The following BRAF variants were observed in gnomAD, a reference collection of about 807,000 sequenced individuals.
BRAF encodes serine/threonine-protein kinase B-raf.
BRAF carries 16 observed loss-of-function variants against 104.6 expected under a neutral mutation model. That is an observed-to-expected ratio of 0.15 (90% CI 0.10 to 0.23). The LOEUF is 0.23. BRAF is among the 10% of genes least tolerant of loss of function. The pLI is 1.00. For synonymous variants in BRAF, 310 were observed against 341.6 expected (o/e 0.91, Z 1.02); for missense variants, 541 against 937.3 (o/e 0.58, Z 5.52).
At chr7:140,840,775 T>C (rs1394222461) in intron 2 of BRAF, among the ~76,000 whole-genome samples, 1 of 150,712 alleles carries the variant, frequency 6.6e-6, no homozygotes, top group East Asian at 2.0e-4. Flanking sequence ...TGGGTGACTC[T>C]GCCATCTTGG....
chr7:140,804,252 C>G (rs192895148), intron 5 of BRAF, among the ~76,000 whole-genome samples: 2 of 150,632 alleles, frequency 1.3e-5, no homozygotes, highest in Non-Finnish European at 3.0e-5. Context: ...TCACCCAGGC[C>G]GGAGTGCAGT....
At chr7:140,870,605 A>G (rs980587976) in intron 1 of BRAF, among the ~76,000 whole-genome samples, 1 of 150,652 alleles carries the variant, frequency 6.6e-6, no homozygotes, top group African/African-American at 2.5e-5. Flanking sequence ...CTCTAGTGAT[A>G]TCACCCTTCT....
chr7:140,818,716 G>GAAAT (rs1805152321), intron 3 of BRAF, among the ~76,000 whole-genome samples: 2 of 152,110 alleles, frequency 1.3e-5, no homozygotes, highest in Admixed American at 6.6e-5. Context: ...ACCTAAAACA[G>GAAAT]GCAATTATCT....
At chr7:140,754,375 G>T in intron 14 of BRAF, 142 bp from the exon 14 acceptor site, 1 of 733,344 alleles carries the variant, frequency 1.4e-6, no homozygotes. Context: ...ACCCTTCACA[G>T]AATATTAAAA....
At chr7:140,806,885 A>G (rs1803708432) in intron 5 of BRAF, among the ~76,000 whole-genome samples, 1 of 152,196 alleles carries the variant, frequency 6.6e-6, no homozygotes, top group African/African-American at 2.4e-5. Context: ...AATCTAATCA[A>G]TCATCTGCTT....
intron 1 of BRAF, among the ~76,000 whole-genome samples, chr7:140,903,217 C>A (rs191728426): frequency 6.6e-6 from 1 of 152,028 alleles, no homozygotes; most frequent in Admixed American, 6.6e-5. Context: ...TGAGCCACCA[C>A]GCCTGGCCTA....
intron 10 of BRAF, among the ~76,000 whole-genome samples, chr7:140,783,764 A>G (rs1348446160): frequency 1.3e-5 from 2 of 152,208 alleles, no homozygotes; most frequent in Non-Finnish European, 2.9e-5. Flanking sequence ...TTAAACAAAG[A>G]TTATTTGTTA....
At position 140,898,857 on chromosome 7, in the gene BRAF, G is replaced by A. The variant is rs1318887124; in HGVS notation, c.138+25709C>T. 2.6e-5 allele frequency among the ~76,000 whole-genome samples: 4 copies of A among 151,910 alleles called. No homozygotes were observed. In the East Asian group the frequency reaches 5.8e-4, roughly 22 times the overall value. ...CTGCATTTGTTTTTAAACTGTTTACGAATAGAATCATGTTGCACTTAATCT... is the reference window on the plus strand; with the variant it reads ...CTGCATTTGTTTTTAAACTGTTTACAAATAGAATCATGTTGCACTTAATCT... On this transcript the variant is annotated intron_variant, in intron 1 of 19. Transcript: ENST00000644969.
rs202070929 is a variant in BRAF, at chr7:140,783,405, T to C, written c.1298-248A>G. ...TGATAGACATAGACACATACTTTAT[T>C]TACTGGTGCAAAATCTAGGAGAAAA... is the stretch of plus-strand genomic sequence containing the variant. On this transcript the variant is annotated intron_variant, in intron 10 of 19. Coordinates refer to ENST00000644969, the MANE Select transcript of BRAF (RefSeq NM_001374258.1). 20 of 379,354 alleles carry C rather than the reference T, an allele frequency of 5.3e-5. No homozygotes were observed. The East Asian group carries it at 7.6e-4, about 14-fold the overall frequency. The allele number at this position is 379,354 out of a possible 1,614,324, so 23.5% of individuals were successfully genotyped here. A position where few individuals can be genotyped will look rare whatever the true frequency, so the allele number is the denominator to read the frequency against.
At chr7:140,902,366 T>G (rs573585201) in intron 1 of BRAF, among the ~76,000 whole-genome samples, 1 of 152,382 alleles carries the variant, frequency 6.6e-6, no homozygotes, top group East Asian at 1.9e-4. Context: ...ACTGACCAGC[T>G]ACTGCCCTAA....
At chr7:140,736,513 C>T (rs563654908) in intron 18 of BRAF, among the ~76,000 whole-genome samples, 14 of 151,410 alleles carry the variant, frequency 9.2e-5, no homozygotes, top group African/African-American at 3.1e-4. Context: ...CCGCAACCTC[C>T]GCCTCCTGGG....
intron 1 of BRAF, among the ~76,000 whole-genome samples, chr7:140,856,127 A>G (rs1490707854): frequency 6.7e-6 from 1 of 149,132 alleles, no homozygotes; most frequent in African/African-American, 2.4e-5. Flanking sequence ...ATATAAATAT[A>G]TATATTAAAA....
At chr7:140,767,017 T>C (rs1363471815) in intron 14 of BRAF, among the ~76,000 whole-genome samples, 1 of 152,016 alleles carries the variant, frequency 6.6e-6, no homozygotes, top group Non-Finnish European at 1.5e-5. Flanking sequence ...TATTTACTTA[T>C]TTTTGAGACA....
chr7:140,719,609 G>A lies in BRAF; in HGVS notation c.*6885C>T. 4.7e-6 allele frequency: 5 copies of A among 1,061,950 alleles called. No individual in the cohort carries two copies. Among genetic ancestry groups the A allele is most frequent in the South Asian group, 4.6e-5 (1 of 21,930 alleles). The allele number at this position is 1,061,950 out of a possible 1,614,324, so 65.8% of individuals were successfully genotyped here. ...AACCAAAGTATCAGGAAGTGGGTAT[G>A]GGGGAGAATTAAAAAAAATAATAAA... On this transcript the variant is annotated 3_prime_UTR_variant, in exon 20 of 20. Transcript: ENST00000644969.
At chr7:140,745,855 A>G (rs1327970034) in intron 17 of BRAF, among the ~76,000 whole-genome samples, 1 of 152,202 alleles carries the variant, frequency 6.6e-6, no homozygotes. Context: ...CTGTTTCTTC[A>G]GATCTTGTGC....
chr7:140,896,272 G>C (rs1814885833), intron 1 of BRAF, among the ~76,000 whole-genome samples: 1 of 151,984 alleles, frequency 6.6e-6, no homozygotes, highest in Admixed American at 6.6e-5. Context: ...GTGAGAGGTG[G>C]GGGTCTAGTT....
At chr7:140,732,568 A>C (rs1796066566) in intron 19 of BRAF, 1 of 152,138 alleles carries the variant, frequency 6.6e-6, no homozygotes. Flanking sequence ...GACACTTTGG[A>C]GGCATGTTTT....
Position 140,840,800 on chromosome 7 carries a change from C to T in BRAF, c.241-5928G>A, listed in dbSNP as rs571504114. On this transcript the variant is annotated intron_variant, in intron 2 of 19. Coordinates refer to ENST00000644969, the MANE Select transcript of BRAF (RefSeq NM_001374258.1). ...TGCCATCTTGGCTCACTGCAACTTC[C>T]GCCTCCCAGGCTCAAGCGATCCTCC... Among the ~76,000 whole-genome samples the T allele has an allele frequency of 6.6e-5, 10 of 151,118 alleles. No homozygotes were observed. In the East Asian group the frequency reaches 2.0e-3, roughly 30 times the overall value.
chr7:140,819,143 G>C (rs1805201829), intron 3 of BRAF, among the ~76,000 whole-genome samples: 1 of 152,094 alleles, frequency 6.6e-6, no homozygotes, highest in Admixed American at 6.5e-5. Context: ...TATTATTAGA[G>C]CATTGTTCAA....
Sources: gnomAD v4.1 joint callset for allele counts (sites outside exome capture counted in the v4.1 genomes callset) on GRCh38, gnomAD v4.1.1 for gene constraint, MANE v1.5 for transcripts, NCBI Gene and HGNC (gene_info 2026-07-23, HGNC 2026-07-21) for gene names.